The following PRKCH variants were observed in gnomAD, a reference collection of about 807,000 sequenced individuals.
PRKCH encodes the protein protein kinase C eta type.
In PRKCH, 28 loss-of-function variants were observed where a neutral mutation model predicts 82.5. That is an observed-to-expected ratio of 0.34 (90% CI 0.25 to 0.47). The LOEUF (loss-of-function observed/expected upper bound fraction) is 0.47, where lower values mean the gene tolerates loss of function less well. PRKCH is among the 20% of genes least tolerant of loss of function. The pLI, the probability that PRKCH is intolerant of heterozygous loss-of-function variation, is 1.00. For synonymous variants in PRKCH, 322 were observed against 327.4 expected (o/e 0.98, Z 0.18); for missense variants, 705 against 881.8 (o/e 0.80, Z 2.54).
At chr14:61,275,007 A>T (rs2045189629) in intron 1 of PRKCH, among the ~76,000 whole-genome samples, 1 of 152,248 alleles carries the variant, frequency 6.6e-6, no homozygotes, top group Admixed American at 6.5e-5. Flanking sequence ...GTAGGAAAAA[A>T]TGAAAAGAAT....
At position 61,280,883 on chromosome 14, in the gene PRKCH, G is replaced by A. The variant is rs758325280; in HGVS notation, c.-19+93215G>A. Reference sequence around the variant, plus strand: ...TACCAGGCGCACGAGCAGGGGGGCGGCAGCGCCCGGCCCTGGCCAGCCGCG... The same window carrying A: ...TACCAGGCGCACGAGCAGGGGGGCGACAGCGCCCGGCCCTGGCCAGCCGCG... On this transcript the variant is annotated intron_variant, in intron 1 of 3. Coordinates refer to the PRKCH transcript ENST00000555185. The surrounding 1 kb of genome is among the most constrained non-coding windows in gnomAD (Gnocchi z 5.0). The A allele has an allele frequency of 6.4e-7, 1 of 1,555,060 alleles. No individual in the cohort carries two copies.
chr14:61,497,844 A>G (rs992398579), intron 10 of PRKCH, among the ~76,000 whole-genome samples: 4 of 152,150 alleles, frequency 2.6e-5, no homozygotes, highest in Non-Finnish European at 5.9e-5. Flanking sequence ...ACTTCATCCC[A>G]TCAGTCAGTT....
intron 1 of PRKCH, among the ~76,000 whole-genome samples, chr14:61,354,721 G>A (rs1319367857): frequency 6.6e-6 from 1 of 152,028 alleles, no homozygotes; most frequent in African/African-American, 2.4e-5. Flanking sequence ...TGCCAATGAG[G>A]CCTTTATGTA....
chr14:61,458,631 G>GA (rs1386972946), intron 9 of PRKCH, among the ~76,000 whole-genome samples: 3 of 152,140 alleles, frequency 2.0e-5, no homozygotes, highest in Non-Finnish European at 2.9e-5. Context: ...AATTTATGAA[G>GA]AAAAAATGTT....
At chr14:61,523,660 A>G (rs2139997006) in intron 10 of PRKCH, among the ~76,000 whole-genome samples, 1 of 152,348 alleles carries the variant, frequency 6.6e-6, no homozygotes, top group South Asian at 2.1e-4. Flanking sequence ...CTTGTTATTC[A>G]CAAAAGCTTT....
chr14:61,289,221 A>G (rs550092184), intron 1 of PRKCH, among the ~76,000 whole-genome samples: 12 of 152,364 alleles, frequency 7.9e-5, no homozygotes, highest in Admixed American at 4.6e-4. Flanking sequence ...TTAAGTGTAA[A>G]GGAAGGGGAC....
rs111485056 is a variant in PRKCH, at chr14:61,402,339, A to G, written c.427+11051A>G. 3.5e-3 allele frequency among the ~76,000 whole-genome samples: 537 copies of G among 152,320 alleles called. 4 individuals carry two copies. The highest frequency in any genetic ancestry group is 0.013 in the African/African-American group (522 of 41,556). Reference sequence around the variant, plus strand: ...TATTGCAACCAACTTTTGAGAAACTACGCCTTGTTTACTTTTGTGTGGTAT... The same window carrying G: ...TATTGCAACCAACTTTTGAGAAACTGCGCCTTGTTTACTTTTGTGTGGTAT... On this transcript the variant is annotated intron_variant, in intron 2 of 13. Coordinates refer to ENST00000332981, the MANE Select transcript of PRKCH (RefSeq NM_006255.5).
At chr14:61,247,603 G>C (rs2140070487) in intron 1 of PRKCH, among the ~76,000 whole-genome samples, 1 of 151,996 alleles carries the variant, frequency 6.6e-6, no homozygotes, top group East Asian at 1.9e-4. Context: ...AGGTATAGTG[G>C]CATGTGCCTG....
intron 1 of PRKCH, among the ~76,000 whole-genome samples, chr14:61,358,157 C>G (rs2046176005): frequency 6.6e-6 from 1 of 152,158 alleles, no homozygotes; most frequent in Non-Finnish European, 1.5e-5. Context: ...GAACAAGTCA[C>G]TTAATTCCCT....
intron 1 of PRKCH, among the ~76,000 whole-genome samples, chr14:61,335,097 G>A (rs2045839234): frequency 6.6e-6 from 1 of 152,026 alleles, no homozygotes; most frequent in Non-Finnish European, 1.5e-5. Context: ...ATTTCCTGAG[G>A]AAATGAATAT....
intron 1 of PRKCH, among the ~76,000 whole-genome samples, chr14:61,210,822 G>A (rs192518060): frequency 9.2e-5 from 14 of 151,764 alleles, no homozygotes; most frequent in Non-Finnish European, 1.5e-4. Context: ...GTGCGTGCAC[G>A]CGTGCATTCC....
chr14:61,458,560 T>C (rs948768218), intron 9 of PRKCH, among the ~76,000 whole-genome samples: 5 of 152,152 alleles, frequency 3.3e-5, no homozygotes, highest in Non-Finnish European at 4.4e-5. Context: ...TTCCTAGACT[T>C]GGGTCAACTG....
At chr14:61,486,686 T>TTC (rs974993831) in intron 10 of PRKCH, among the ~76,000 whole-genome samples, 3 of 150,888 alleles carry the variant, frequency 2.0e-5, no homozygotes, top group African/African-American at 7.4e-5. Context: ...CTTTCTTTCT[T>TTC]TTTTTTTTTT....
intron 9 of PRKCH, among the ~76,000 whole-genome samples, chr14:61,469,823 G>C (rs1379102238): frequency 6.6e-6 from 1 of 151,742 alleles, no homozygotes; most frequent in Non-Finnish European, 1.5e-5. Flanking sequence ...TGGCAGGTTA[G>C]GGGGGAAGGT....
chr14:61,522,479 T>A (rs555408634), intron 10 of PRKCH, among the ~76,000 whole-genome samples: 8 of 152,296 alleles, frequency 5.3e-5, no homozygotes, highest in Admixed American at 3.3e-4. Flanking sequence ...CCAACCACAC[T>A]AGTCTTCATT....
chr14:61,334,902 A>G (rs1007607458), intron 1 of PRKCH, among the ~76,000 whole-genome samples: 2 of 151,994 alleles, frequency 1.3e-5, no homozygotes, highest in African/African-American at 2.4e-5. Context: ...TGGGCTCGCC[A>G]TGTTACCCAG....
chr14:61,433,333 A>G (rs140918191), intron 2 of PRKCH, among the ~76,000 whole-genome samples: 636 of 152,314 alleles, frequency 4.2e-3, no homozygotes, highest in Non-Finnish European at 6.2e-3. Context: ...TTGAGAGCTT[A>G]AAAGGGACTT....
At chr14:61,387,714 G>A (rs928006850) in intron 1 of PRKCH, among the ~76,000 whole-genome samples, 6 of 152,168 alleles carry the variant, frequency 3.9e-5, no homozygotes, top group African/African-American at 1.4e-4. Context: ...GACACAGTAA[G>A]GAATACATCT....
chr14:61,237,818 C>A (rs1264551127), intron 1 of PRKCH, among the ~76,000 whole-genome samples: 1 of 152,198 alleles, frequency 6.6e-6, no homozygotes, highest in Non-Finnish European at 1.5e-5. Context: ...CAAACTGTAA[C>A]CCAACCATCT....
Sources: allele counts gnomAD v4.1 joint callset (sites outside exome capture counted in the v4.1 genomes callset), GRCh38; gene constraint gnomAD v4.1.1; non-coding constraint Gnocchi (gnomAD v3.1); transcripts MANE v1.5; gene names NCBI Gene and HGNC (gene_info 2026-07-23, HGNC 2026-07-21).